ZDHHC11B: variants seen among roughly 807,000 people sequenced by gnomAD.
The protein encoded by ZDHHC11B is zDHHC palmitoyltransferase 11B (putative).
Under a neutral mutation model 42.3 loss-of-function variants are expected in ZDHHC11B, and 17 were observed. That is an observed-to-expected ratio of 0.40 (90% CI 0.27 to 0.60). ZDHHC11B has a LOEUF of 0.60. Among genes scored for constraint, ZDHHC11B ranks in the 20% least tolerant of loss-of-function variants. The probability of loss-of-function intolerance (pLI) is 0.41; values close to 1 mark genes in which losing one functional copy is unlikely to be tolerated. For missense variants in ZDHHC11B, 262 were observed against 463.2 expected (o/e 0.57, Z 3.99); for synonymous variants, 123 against 193.5 (o/e 0.64, Z 3.02).
intron 1 of ZDHHC11B, among the ~76,000 whole-genome samples, chr5:777,071 A>G (rs1292056780): frequency 6.6e-6 from 1 of 151,874 alleles, no homozygotes; most frequent in Non-Finnish European, 1.5e-5. Context: ...TGACGTCAGG[A>G]ATGAAGCTGC....
intron 1 of ZDHHC11B, among the ~76,000 whole-genome samples, chr5:779,821 A>G (rs1234231006): frequency 6.6e-6 from 1 of 151,326 alleles, no homozygotes; most frequent in South Asian, 2.1e-4. Context: ...TCGTTGAAAA[A>G]ATATCATCAA....
intron 8 of ZDHHC11B, chr5:747,607 G>A (rs1224983376): frequency 6.6e-6 from 1 of 150,790 alleles, no homozygotes; most frequent in Non-Finnish European, 1.5e-5. Context: ...CTCTGGAGAT[G>A]GAGGTGAGCC....
At chr5:770,498 G>C (rs567358486) in intron 1 of ZDHHC11B, among the ~76,000 whole-genome samples, 25 of 151,212 alleles carry the variant, frequency 1.7e-4, no homozygotes, top group Non-Finnish European at 2.7e-4. Context: ...TCCCCTCCCC[G>C]CCGCAGTTCC....
At chr5:759,105 G>A (rs1327877331) in intron 4 of ZDHHC11B, among the ~76,000 whole-genome samples, 2 of 151,868 alleles carry the variant, frequency 1.3e-5, no homozygotes, top group African/African-American at 4.8e-5. Context: ...AAGAAGTAGA[G>A]TAAGTGTCTC....
intron 1 of ZDHHC11B, among the ~76,000 whole-genome samples, chr5:777,822 G>A (rs1255061266): frequency 3.9e-5 from 6 of 151,980 alleles, no homozygotes; most frequent in African/African-American, 9.7e-5. Flanking sequence ...TGCGCCACGC[G>A]CCCGCACTCC....
chr5:776,142 A>G (rs1284019466), intron 1 of ZDHHC11B, among the ~76,000 whole-genome samples: 1 of 150,940 alleles, frequency 6.6e-6, no homozygotes, highest in Non-Finnish European at 1.5e-5. Flanking sequence ...AATCCTGCCC[A>G]GAGTCCCTGG....
At chr5:735,766 TGA>T (rs1743444260) in intron 10 of ZDHHC11B, among the ~76,000 whole-genome samples, 1 of 149,846 alleles carries the variant, frequency 6.7e-6, no homozygotes, top group Non-Finnish European at 1.5e-5. Context: ...CAACAAATGC[TGA>T]GAGAACTAGC....
chr5:718,689 C>G (rs1324958781), intron 12 of ZDHHC11B, among the ~76,000 whole-genome samples: 2 of 112,454 alleles, frequency 1.8e-5, no homozygotes, highest in Non-Finnish European at 3.5e-5. Context: ...GAGCGAGACT[C>G]TGTCTCAAAA....
intron 7 of ZDHHC11B, among the ~76,000 whole-genome samples, chr5:749,119 C>T (rs1745264309): frequency 8.9e-6 from 1 of 112,284 alleles, no homozygotes; most frequent in African/African-American, 3.6e-5. Flanking sequence ...CACTAAGTAC[C>T]AGGGTCACAG....
intron 3 of ZDHHC11B, 155 bp downstream of exon 3, chr5:767,237 T>C: frequency 4.1e-6 from 4 of 967,160 alleles, no homozygotes; most frequent in Non-Finnish European, 1.5e-6. Context: ...CAGACCTGGG[T>C]GGATGACTGA....
At chr5:736,290 C>T (rs1743506582) in intron 10 of ZDHHC11B, among the ~76,000 whole-genome samples, 1 of 149,782 alleles carries the variant, frequency 6.7e-6, no homozygotes, top group Non-Finnish European at 1.5e-5. Flanking sequence ...ACTATATATG[C>T]ACCTAACGAG....
At chr5:732,724 T>C (rs1417030377) in intron 11 of ZDHHC11B, 6 of 419,168 alleles carry the variant, frequency 1.4e-5, no homozygotes, top group Non-Finnish European at 2.9e-5. Context: ...CCCTCACAAA[T>C]CCTGCTCAAA....
At position 745,260 on chromosome 5, in the gene ZDHHC11B, T is replaced by C; in HGVS notation, c.823A>G (p.Thr275Ala). 1 of 1,609,240 alleles carries C rather than the reference T, an allele frequency of 6.2e-7. No individual in the cohort carries two copies. Among genetic ancestry groups the C allele is most frequent in the Non-Finnish European group, 8.5e-7 (1 of 1,178,078 alleles). Reference sequence around the variant, plus strand: ...TGTTTTGAACTCTCTTCTTTGCGGGTATTAATGAGATACTCAAAGGTGGTC... The same window carrying C: ...TGTTTTGAACTCTCTTCTTTGCGGGCATTAATGAGATACTCAAAGGTGGTC... ...KMTTFEYLIN[T>A]RKEESSKHQA... The change falls in exon 9 of 14, where the codon ACC becomes GCC. Residue 275 changes from threonine to alanine, a missense_variant. Physicochemically the swap from Thr to Ala is moderately conservative, Grantham distance 58. Around this residue, in one of 5 missense-constraint regions of ZDHHC11B, gnomAD observed 57 missense variants for 103.3 expected, o/e 0.55. Coordinates refer to ENST00000508859, the MANE Select transcript of ZDHHC11B (RefSeq NM_001351303.2).
At chr5:783,282 G>T (rs750360187) in intron 1 of ZDHHC11B, among the ~76,000 whole-genome samples, 211 of 151,234 alleles carry the variant, frequency 1.4e-3, no homozygotes, top group Middle Eastern at 3.4e-3. Context: ...CGCTGGCACC[G>T]AGCGGCTGAC....
chr5:777,780 G>T (rs1387780192), intron 1 of ZDHHC11B, among the ~76,000 whole-genome samples: 1 of 151,960 alleles, frequency 6.6e-6, no homozygotes, highest in Non-Finnish European at 1.5e-5. Flanking sequence ...CGGATCCTGA[G>T]CCCCGCAGCA....
At chr5:783,961 G>A (rs1413118705) in intron 1 of ZDHHC11B, among the ~76,000 whole-genome samples, 2 of 150,712 alleles carry the variant, frequency 1.3e-5, no homozygotes, top group Non-Finnish European at 3.0e-5. Flanking sequence ...CTCCGTTTAC[G>A]TAACCGAAAC....
chr5:724,801 T>C (rs1742449950), intron 12 of ZDHHC11B, among the ~76,000 whole-genome samples: 1 of 148,282 alleles, frequency 6.7e-6, no homozygotes, highest in African/African-American at 2.5e-5. Context: ...TACAAAAAAA[T>C]AAAAAACAAA....
chr5:767,365 C>T, intron 3 of ZDHHC11B, 27 bp downstream of exon 3: 4 of 1,570,628 alleles, frequency 2.5e-6, no homozygotes, highest in Non-Finnish European at 3.5e-6. Context: ...GGACAGCAGC[C>T]AAGGGCTCCC....
chr5:763,370 C>T (rs1348365083), intron 4 of ZDHHC11B, among the ~76,000 whole-genome samples: 112 of 141,262 alleles, frequency 7.9e-4, no homozygotes, highest in African/African-American at 2.8e-3. Context: ...ACTCCCATCT[C>T]GGGAAAAAAA....
Sources: gnomAD v4.1 joint callset for allele counts (sites outside exome capture counted in the v4.1 genomes callset) on GRCh38, gnomAD v4.1.1 for gene constraint, gnomAD v4.1.1 regional missense constraint, MANE v1.5 for transcripts, NCBI Gene and HGNC (gene_info 2026-07-23, HGNC 2026-07-21) for gene names.